Variants in SSBP2 observed in about 807,000 individuals in gnomAD.
SSBP2 encodes single stranded DNA binding protein 2, also known as single-stranded DNA-binding protein 2.
In SSBP2, 17 loss-of-function variants were observed where a neutral mutation model predicts 61.8. The ratio of observed to expected loss-of-function variants is 0.28; its 90% CI spans 0.19 to 0.41. The LOEUF is 0.41. Ranked by LOEUF, SSBP2 falls within the 10% of genes least tolerant of loss-of-function variation. The pLI, the probability that SSBP2 is intolerant of heterozygous loss-of-function variation, is 1.00. For missense variants in SSBP2, 310 were observed against 458.7 expected (o/e 0.68, Z 2.96); for synonymous variants, 139 against 141.3 (o/e 0.98, Z 0.12).
At chr5:81,464,339 T>G (rs527273626) in intron 9 of SSBP2, among the ~76,000 whole-genome samples, 1 of 152,310 alleles carries the variant, frequency 6.6e-6, no homozygotes, top group African/African-American at 2.4e-5. Context: ...CTACAATGCA[T>G]TAGAAAATTA....
intron 4 of SSBP2, among the ~76,000 whole-genome samples, chr5:81,538,935 C>G (rs1771023986): frequency 6.6e-6 from 1 of 152,224 alleles, no homozygotes. Flanking sequence ...TGACTGCAAA[C>G]ACAATATCTA....
chr5:81,600,695 A>G (rs574939539), intron 4 of SSBP2, among the ~76,000 whole-genome samples: 1 of 152,162 alleles, frequency 6.6e-6, no homozygotes, highest in South Asian at 2.1e-4. Flanking sequence ...CCTAAGATAA[A>G]TGAAAAAAAG....
intron 1 of SSBP2, among the ~76,000 whole-genome samples, chr5:81,677,813 GT>G (rs1255912695): frequency 6.9e-6 from 1 of 144,502 alleles, no homozygotes; most frequent in African/African-American, 2.6e-5. Flanking sequence ...CAGACATCTT[GT>G]CCCACCTTAA....
At chr5:81,730,373 C>T (rs898788958) in intron 1 of SSBP2, among the ~76,000 whole-genome samples, 3 of 152,058 alleles carry the variant, frequency 2.0e-5, no homozygotes, top group Middle Eastern at 3.2e-3. Flanking sequence ...TACAGGCGCC[C>T]GCTACCACGC....
At chr5:81,593,629 T>C (rs1176216313) in intron 4 of SSBP2, among the ~76,000 whole-genome samples, 2 of 152,192 alleles carry the variant, frequency 1.3e-5, no homozygotes, top group Non-Finnish European at 2.9e-5. Context: ...CCCATCAGAC[T>C]AATAGCGGAT....
At position 81,674,522 on chromosome 5, in the gene SSBP2, A is replaced by C. The variant is rs530331048; in HGVS notation, c.63-24183T>G. Among the ~76,000 whole-genome samples, 4 of 152,338 alleles carry C rather than the reference A, an allele frequency of 2.6e-5. No individual in the cohort carries two copies. The East Asian group carries it at 5.8e-4, about 22-fold the overall frequency. On this transcript the variant is annotated intron_variant, in intron 1 of 16. Transcript: ENST00000320672. ...AAATGAGCAAATTCGGAGCAACTAGATTTAGAATCATTAAACAGTAAGAGG... is the reference window on the plus strand; with the variant it reads ...AAATGAGCAAATTCGGAGCAACTAGCTTTAGAATCATTAAACAGTAAGAGG...
chr5:81,544,627 A>C (rs945637713), intron 4 of SSBP2, among the ~76,000 whole-genome samples: 1 of 152,238 alleles, frequency 6.6e-6, no homozygotes, highest in African/African-American at 2.4e-5. Context: ...GGGGGAGAAC[A>C]AAACTAAGAG....
intron 1 of SSBP2, among the ~76,000 whole-genome samples, chr5:81,709,349 T>C (rs1439645527): frequency 6.6e-6 from 1 of 152,014 alleles, no homozygotes; most frequent in East Asian, 1.9e-4. Context: ...CATTTTCTTC[T>C]GATCTCTTTC....
At chr5:81,588,324 G>A (rs1775233764) in intron 4 of SSBP2, among the ~76,000 whole-genome samples, 1 of 151,988 alleles carries the variant, frequency 6.6e-6, no homozygotes, top group Admixed American at 6.6e-5. Flanking sequence ...AGATCACAAT[G>A]GTTCTAGTAG....
intron 5 of SSBP2, among the ~76,000 whole-genome samples, chr5:81,503,332 T>C (rs1767939009): frequency 6.6e-6 from 1 of 152,094 alleles, no homozygotes; most frequent in African/African-American, 2.4e-5. Context: ...TGCATGCCTG[T>C]AATCCCAGCT....
intron 15 of SSBP2, among the ~76,000 whole-genome samples, chr5:81,436,547 CTCAA>C (rs562112559): frequency 7.4e-4 from 113 of 152,020 alleles, no homozygotes; most frequent in African/African-American, 2.5e-3. Flanking sequence ...TGATTTTTAG[CTCAA>C]TCAATCTTAT....
intron 3 of SSBP2, among the ~76,000 whole-genome samples, chr5:81,631,297 A>G (rs1458765384): frequency 6.6e-6 from 1 of 152,174 alleles, no homozygotes; most frequent in East Asian, 1.9e-4. Context: ...TCCACTCACC[A>G]TAGGACTTCT....
At chr5:81,682,375 T>C (rs1397012582) in intron 1 of SSBP2, among the ~76,000 whole-genome samples, 1 of 152,122 alleles carries the variant, frequency 6.6e-6, no homozygotes, top group Non-Finnish European at 1.5e-5. Flanking sequence ...CAAAGCTGGT[T>C]CAACATTCAA....
intron 1 of SSBP2, among the ~76,000 whole-genome samples, chr5:81,678,907 T>A (rs1477169140): frequency 1.3e-5 from 2 of 152,148 alleles, no homozygotes; most frequent in Non-Finnish European, 2.9e-5. Context: ...TTAAAATAAA[T>A]TTTTCAGAGA....
intron 4 of SSBP2, among the ~76,000 whole-genome samples, chr5:81,613,982 G>C (rs965782741): frequency 2.6e-5 from 4 of 152,194 alleles, no homozygotes; most frequent in Admixed American, 6.5e-5. Context: ...CTATTGTTCA[G>C]TGTGTAACAA....
chr5:81,710,846 T>C lies in SSBP2; in HGVS notation c.62+40135A>G, dbSNP rs536517764. On this transcript the variant is annotated intron_variant, in intron 1 of 16. Coordinates refer to ENST00000320672, the MANE Select transcript of SSBP2 (RefSeq NM_012446.5). ...CAGGAAGGAAAGAACATTACAGTCA[T>C]GGGAGCACGAATAAAAAGAAATCTG... 15 of 284,970 alleles carry C rather than the reference T, an allele frequency of 5.3e-5. No individual in the cohort carries two copies. In the East Asian group the frequency reaches 8.1e-4, roughly 15 times the overall value. The allele number at this position is 284,970 out of a possible 1,614,324, so 17.7% of individuals were successfully genotyped here.
At chr5:81,750,940 G>A (rs1581480800) in intron 1 of SSBP2, 41 bp downstream of exon 1, 2 of 1,561,198 alleles carry the variant, frequency 1.3e-6, no homozygotes, top group South Asian at 1.2e-5. Flanking sequence ...GAGTGTGCGC[G>A]CGTGTGAAGG....
At chr5:81,587,517 A>T (rs1284022831) in intron 4 of SSBP2, among the ~76,000 whole-genome samples, 1 of 152,126 alleles carries the variant, frequency 6.6e-6, no homozygotes, top group Non-Finnish European at 1.5e-5. Flanking sequence ...GGCTCACTTG[A>T]CCAGGAATTC....
At chr5:81,586,915 TCTAGGGAC>T (rs1775100176) in intron 4 of SSBP2, among the ~76,000 whole-genome samples, 1 of 152,026 alleles carries the variant, frequency 6.6e-6, no homozygotes, top group Admixed American at 6.6e-5. Flanking sequence ...GCGCTCAGTC[TCTAGGGAC>T]CTTCCCTAGT....
Sources: allele counts gnomAD v4.1 joint callset (sites outside exome capture counted in the v4.1 genomes callset), GRCh38; gene constraint gnomAD v4.1.1; transcripts MANE v1.5; gene names NCBI Gene and HGNC (gene_info 2026-07-23, HGNC 2026-07-21).